GPHN: variants seen among roughly 807,000 people sequenced by gnomAD.
GPHN encodes gephyrin.
GPHN carries 17 observed loss-of-function variants against 95.5 expected under a neutral mutation model. The observed-to-expected ratio is 0.18, with a 90% CI of 0.12 to 0.27. GPHN has a LOEUF of 0.27. Ranked by LOEUF, GPHN falls within the 10% of genes least tolerant of loss-of-function variation. The probability of loss-of-function intolerance (pLI) is 1.00; values close to 1 mark genes in which losing one functional copy is unlikely to be tolerated. For missense variants in GPHN, 660 were observed against 978.1 expected, an observed-to-expected ratio of 0.67 and a Z score of 4.34; for synonymous variants, 320 against 322.5, an observed-to-expected ratio of 0.99 and a Z score of 0.08.
At chr14:67,102,259 G>A (rs2077751869) in intron 13 of GPHN, among the ~76,000 whole-genome samples, 1 of 152,094 alleles carries the variant, frequency 6.6e-6, no homozygotes, top group South Asian at 2.1e-4. Flanking sequence ...CTTATTAAAT[G>A]GAACTAGAAG....
chr14:67,524,823 C>T, the GPHN span, among the ~76,000 whole-genome samples: 9 of 152,242 alleles, frequency 5.9e-5, no homozygotes, highest in South Asian at 2.1e-4. Flanking sequence ...AGATGTGAGG[C>T]CCCTCTGATC....
chr14:67,448,582 T>C, the GPHN span, among the ~76,000 whole-genome samples: 1 of 151,652 alleles, frequency 6.6e-6, no homozygotes, highest in African/African-American at 2.4e-5. Flanking sequence ...TGGGTGAAGT[T>C]TGGGGAAGGG....
chr14:66,932,274 G>C (rs77849460), intron 8 of GPHN, among the ~76,000 whole-genome samples: 2,299 of 151,940 alleles, frequency 0.015, 33 homozygotes, highest in Non-Finnish European at 0.018. Context: ...AGGGTTAATG[G>C]AAGCACTCTT....
the GPHN span, among the ~76,000 whole-genome samples, chr14:67,682,931 C>A: frequency 1.3e-5 from 2 of 152,326 alleles, no homozygotes; most frequent in African/African-American, 4.8e-5. Context: ...CATGCTTTAG[C>A]ATGGATGACC....
the GPHN span, chr14:67,733,766 T>G: frequency 5.1e-5 from 83 of 1,613,184 alleles, no homozygotes; most frequent in African/African-American, 1.0e-3. Context: ...AGGACCTGGG[T>G]GTCTCCAAGG....
intron 1 of GPHN, among the ~76,000 whole-genome samples, chr14:66,677,478 T>A (rs2066672847): frequency 6.6e-6 from 1 of 152,108 alleles, no homozygotes; most frequent in African/African-American, 2.4e-5. Flanking sequence ...TTTCAAGACT[T>A]CTTTGGTGTC....
At chr14:66,582,550 A>G (rs2061232372) in intron 1 of GPHN, among the ~76,000 whole-genome samples, 2 of 151,274 alleles carry the variant, frequency 1.3e-5, no homozygotes, top group South Asian at 4.2e-4. Flanking sequence ...CCACCCCACA[A>G]CAGTCCCCAG....
At chr14:67,099,715 G>A (rs890989063) in intron 12 of GPHN, among the ~76,000 whole-genome samples, 2 of 151,952 alleles carry the variant, frequency 1.3e-5, no homozygotes, top group Non-Finnish European at 2.9e-5. Flanking sequence ...CATTATAAAC[G>A]GTGTTTTATA....
At chr14:67,576,244 G>T in the GPHN span, 3 of 615,278 alleles carry the variant, frequency 4.9e-6, no homozygotes, top group African/African-American at 3.7e-5. This position sits in a 1 kb window ranked among gnomAD's most constrained non-coding sequence, Gnocchi z 4.0. Context: ...ATGTTCACCT[G>T]ATCCTCAGTC....
rs1159729470 is a variant in GPHN, at chr14:66,785,033, G to A, written c.201+8512G>A. ...GGTAGTAAGCAATAGGATACAGAAG[G>A]ATGGCGAAAGATTTATGTGTGAACA... is the stretch of plus-strand genomic sequence containing the variant. On this transcript the variant is annotated intron_variant, in intron 3 of 22. Transcript: ENST00000478722. 3.9e-5 allele frequency among the ~76,000 whole-genome samples: 6 copies of A among 152,276 alleles called. No homozygotes were observed. The East Asian group carries it at 9.6e-4, about 24-fold the overall frequency.
At chr14:67,348,175 A>T in the GPHN span, among the ~76,000 whole-genome samples, 1 of 151,974 alleles carries the variant, frequency 6.6e-6, no homozygotes, top group African/African-American at 2.4e-5. Flanking sequence ...CCTGGGTCCA[A>T]GTGAGTCTCC....
intron 1 of GPHN, among the ~76,000 whole-genome samples, chr14:66,671,916 T>G (rs892379807): frequency 4.6e-5 from 7 of 152,148 alleles, no homozygotes; most frequent in African/African-American, 1.7e-4. Flanking sequence ...CATTTTTCTC[T>G]TTAGATTTCC....
At chr14:66,743,523 T>G (rs955412745) in intron 2 of GPHN, among the ~76,000 whole-genome samples, 1 of 151,492 alleles carries the variant, frequency 6.6e-6, no homozygotes, top group Admixed American at 6.6e-5. Context: ...GATCACGAGG[T>G]GAGGAGATCG....
intron 11 of GPHN, among the ~76,000 whole-genome samples, chr14:67,070,883 A>G (rs536396576): frequency 3.3e-5 from 5 of 151,988 alleles, no homozygotes; most frequent in African/African-American, 1.2e-4. Context: ...CTATTCACAC[A>G]GAAATCAGGC....
At chr14:67,345,962 A>G in the GPHN span, 1 of 798,586 alleles carries the variant, frequency 1.3e-6, no homozygotes. Flanking sequence ...AATAATAACA[A>G]ATATGGAAAG....
At chr14:67,140,298 C>T (rs897917554) in intron 17 of GPHN, among the ~76,000 whole-genome samples, 2 of 151,108 alleles carry the variant, frequency 1.3e-5, no homozygotes, top group Non-Finnish European at 2.9e-5. Flanking sequence ...GCAGGAGAAT[C>T]GCATGAACCC....
intron 1 of GPHN, among the ~76,000 whole-genome samples, chr14:66,531,191 C>T (rs2058921690): frequency 2.6e-5 from 4 of 152,074 alleles, no homozygotes; most frequent in African/African-American, 9.7e-5. Context: ...GGTGATCCAC[C>T]CGCCTTAGCC....
chr14:67,198,545 T>G, the GPHN span, among the ~76,000 whole-genome samples: 32 of 152,372 alleles, frequency 2.1e-4, no homozygotes, highest in Non-Finnish European at 1.5e-4. Context: ...CTGTCTTAAC[T>G]CTACCATAAT....
chr14:66,610,790 A>G (rs777628611), intron 1 of GPHN, among the ~76,000 whole-genome samples: 4 of 152,140 alleles, frequency 2.6e-5, no homozygotes, highest in Non-Finnish European at 4.4e-5. Flanking sequence ...ATGAGAAGGG[A>G]TGGAGAGTTA....
Sources: allele counts gnomAD v4.1 joint callset (sites outside exome capture counted in the v4.1 genomes callset), GRCh38; gene constraint gnomAD v4.1.1; non-coding constraint Gnocchi (gnomAD v3.1); transcripts MANE v1.5; gene names NCBI Gene and HGNC (gene_info 2026-07-23, HGNC 2026-07-21).